The following TRPS1 variants were observed in gnomAD, a reference collection of about 807,000 sequenced individuals.
TRPS1 encodes the protein transcriptional repressor GATA binding 1, also known as zinc finger transcription factor Trps1.
TRPS1 carries 6 observed loss-of-function variants against 101.2 expected under a neutral mutation model. That is an observed-to-expected ratio of 0.06 (90% CI 0.03 to 0.12). The LOEUF (loss-of-function observed/expected upper bound fraction) is 0.12. Among genes scored for constraint, TRPS1 ranks in the 10% least tolerant of loss-of-function variants. The pLI is 1.00. For missense variants in TRPS1, 1,363 were observed against 1,567.0 expected (o/e 0.87, Z 2.20); for synonymous variants, 578 against 589.8 (o/e 0.98, Z 0.29).
At chr8:115,623,927 G>C (rs1448863998) in intron 1 of TRPS1, among the ~76,000 whole-genome samples, 169 bp from the exon 2 acceptor site, 19 of 151,970 alleles carry the variant, frequency 1.3e-4, no homozygotes, top group Non-Finnish European at 4.4e-5. Context: ...TTTTAATAAA[G>C]CAACAAGAGA....
intron 5 of TRPS1, among the ~76,000 whole-genome samples, chr8:115,514,539 C>T (rs1383368199): frequency 6.6e-6 from 1 of 151,154 alleles, no homozygotes; most frequent in Non-Finnish European, 1.5e-5. Flanking sequence ...GTAGTCTATC[C>T]CAAGATGTTA....
chr8:115,551,519 A>G (rs948343500), intron 5 of TRPS1, among the ~76,000 whole-genome samples: 1 of 152,178 alleles, frequency 6.6e-6, no homozygotes, highest in Non-Finnish European at 1.5e-5. Context: ...AATGTGACAA[A>G]TGTATGCCAC....
chr8:115,538,935 G>C (rs1816386851), intron 5 of TRPS1, among the ~76,000 whole-genome samples: 3 of 152,080 alleles, frequency 2.0e-5, no homozygotes, highest in African/African-American at 7.2e-5. Flanking sequence ...TATCAAAAAA[G>C]TAAAGTATTC....
intron 5 of TRPS1, among the ~76,000 whole-genome samples, chr8:115,564,519 G>A (rs1373209101): frequency 6.6e-6 from 1 of 152,096 alleles, no homozygotes; most frequent in Non-Finnish European, 1.5e-5. Context: ...AGTTTATGCA[G>A]GGAGAAATGA....
At chr8:115,521,262 A>C (rs1453272073) in intron 5 of TRPS1, among the ~76,000 whole-genome samples, 1 of 151,850 alleles carries the variant, frequency 6.6e-6, no homozygotes, top group Non-Finnish European at 1.5e-5. Context: ...CCTACTGCTG[A>C]CCATTTGGTA....
chr8:115,500,715 G>A (rs934631043), intron 5 of TRPS1, among the ~76,000 whole-genome samples: 17 of 151,916 alleles, frequency 1.1e-4, no homozygotes, highest in South Asian at 6.3e-4. Context: ...GACTACAGGC[G>A]CCTGCCACCA....
intron 5 of TRPS1, among the ~76,000 whole-genome samples, chr8:115,458,709 A>G (rs1407832485): frequency 6.6e-6 from 1 of 152,244 alleles, no homozygotes; most frequent in African/African-American, 2.4e-5. Context: ...ATGTATTAAC[A>G]CAGAACACAG....
intron 5 of TRPS1, among the ~76,000 whole-genome samples, chr8:115,483,311 C>T (rs986572453): frequency 2.0e-5 from 3 of 151,888 alleles, no homozygotes; most frequent in Admixed American, 6.6e-5. Flanking sequence ...GCAGGTGGAT[C>T]GCTTGAGTCC....
intron 1 of TRPS1, among the ~76,000 whole-genome samples, chr8:115,640,576 A>C (rs1315625200): frequency 2.0e-5 from 3 of 152,248 alleles, no homozygotes; most frequent in Non-Finnish European, 4.4e-5. Flanking sequence ...ACTAATATGA[A>C]CACGCATAAA....
intron 5 of TRPS1, among the ~76,000 whole-genome samples, chr8:115,553,858 TATAA>T (rs756879400): frequency 2.6e-5 from 4 of 152,110 alleles, no homozygotes. Flanking sequence ...GTGATCTGAT[TATAA>T]ATAGAGAATA....
chr8:115,489,882 C>T (rs1814977316), intron 5 of TRPS1, among the ~76,000 whole-genome samples: 2 of 151,814 alleles, frequency 1.3e-5, no homozygotes, highest in Non-Finnish European at 2.9e-5. Flanking sequence ...TTTCTCAATC[C>T]ATCTTAAACT....
chr8:115,643,050 G>A (rs1256747272), intron 1 of TRPS1, among the ~76,000 whole-genome samples: 1 of 151,906 alleles, frequency 6.6e-6, no homozygotes, highest in Non-Finnish European at 1.5e-5. Context: ...TATTAAGTGG[G>A]CAATAGTATT....
At chr8:115,417,105 TAA>T (rs2129762618) in intron 6 of TRPS1, among the ~76,000 whole-genome samples, 1 of 152,324 alleles carries the variant, frequency 6.6e-6, no homozygotes, top group East Asian at 1.9e-4. Flanking sequence ...TCTCAGTGGT[TAA>T]GTTCCCATAA....
intron 5 of TRPS1, among the ~76,000 whole-genome samples, chr8:115,533,537 G>T (rs1218807874): frequency 1.4e-5 from 2 of 144,372 alleles, no homozygotes; most frequent in East Asian, 4.2e-4. Context: ...TGATTACAGG[G>T]ATTAAATAAC....
intron 5 of TRPS1, among the ~76,000 whole-genome samples, chr8:115,519,389 G>A (rs1005944941): frequency 2.0e-5 from 3 of 151,438 alleles, no homozygotes; most frequent in African/African-American, 4.8e-5. Context: ...ACGTAAATTT[G>A]AAATATGTTT....
intron 5 of TRPS1, among the ~76,000 whole-genome samples, chr8:115,427,347 T>C (rs1389154606): frequency 6.6e-6 from 1 of 152,182 alleles, no homozygotes; most frequent in African/African-American, 2.4e-5. Flanking sequence ...AGAATACTCT[T>C]GTTTGACTAT....
chr8:115,494,713 G>A (rs1815107119), intron 5 of TRPS1, among the ~76,000 whole-genome samples: 1 of 151,962 alleles, frequency 6.6e-6, no homozygotes, highest in Non-Finnish European at 1.5e-5. Flanking sequence ...CACCTCAAGG[G>A]TCACATTTTA....
intron 5 of TRPS1, among the ~76,000 whole-genome samples, chr8:115,579,960 C>T (rs1403519995): frequency 6.6e-6 from 1 of 152,054 alleles, no homozygotes; most frequent in East Asian, 1.9e-4. Context: ...CTCCTAACCA[C>T]TGATATAAAG....
intron 5 of TRPS1, among the ~76,000 whole-genome samples, chr8:115,430,746 C>G (rs548364021): frequency 6.6e-6 from 1 of 151,896 alleles, no homozygotes. Context: ...CATACACTCA[C>G]GTAAATGAAT....
Sources: gnomAD v4.1 joint callset for allele counts (sites outside exome capture counted in the v4.1 genomes callset) on GRCh38, gnomAD v4.1.1 for gene constraint, MANE v1.5 for transcripts, NCBI Gene and HGNC (gene_info 2026-07-23, HGNC 2026-07-21) for gene names.